The following DLGAP1 variants were observed in gnomAD, a reference collection of about 807,000 sequenced individuals.
DLGAP1 encodes disks large-associated protein 1.
In DLGAP1, 11 loss-of-function variants were observed where a neutral mutation model predicts 90.8. The ratio of observed to expected loss-of-function variants is 0.12; its 90% confidence interval spans 0.08 to 0.20. The LOEUF is 0.20. DLGAP1 is among the 10% of genes least tolerant of loss of function. The pLI is 1.00. For synonymous variants in DLGAP1, 558 were observed against 540.7 expected (o/e 1.03, Z -0.44); for missense variants, 1,050 against 1,333.8 (o/e 0.79, Z 3.31).
chr18:3,596,757 A>T, intron 7 of DLGAP1: 1 of 490,176 alleles, frequency 2.0e-6, no homozygotes, highest in South Asian at 1.5e-5. Flanking sequence ...AAGGACTAAC[A>T]ATCAGGAAGG....
chr18:3,761,598 C>T lies in DLGAP1; in HGVS notation c.1173-19086G>A, dbSNP rs570992550. 4.1e-5 allele frequency among the ~76,000 whole-genome samples: 6 copies of T among 147,574 alleles called. No individual in the cohort carries two copies. In the South Asian group the frequency reaches 6.4e-4, roughly 16 times the overall value. On this transcript the variant is annotated intron_variant, in intron 5 of 12. Transcript: ENST00000315677. ...TCTTTCTTTTTTTTTTTTTTTAAGA[C>T]GGAGTCTCACTCTGTTGCCCAGGCT...
Position 4,396,896 on chromosome 18 carries a change from T to C in DLGAP1, c.-267+58110A>G, listed in dbSNP as rs75917679. On this transcript the variant is annotated intron_variant, in intron 1 of 12. Coordinates refer to ENST00000315677, the MANE Select transcript of DLGAP1 (RefSeq NM_004746.4). ...ATGTGCACAAATTTGCTCTCTAAGC[T>C]AATTAGAATATCATTTGTACAATAA... 2.1e-3 allele frequency among the ~76,000 whole-genome samples: 316 copies of C among 152,280 alleles called. 2 individuals are homozygous for C. Among genetic ancestry groups the C allele is most frequent in the African/African-American group, 6.9e-3 (288 of 41,574 alleles).
chr18:4,183,558 T>A (rs1216684800), intron 1 of DLGAP1, among the ~76,000 whole-genome samples: 1 of 152,156 alleles, frequency 6.6e-6, no homozygotes, highest in Non-Finnish European at 1.5e-5. Flanking sequence ...CTTTTGACCT[T>A]GTTTCTTGAC....
intron 4 of DLGAP1, among the ~76,000 whole-genome samples, chr18:3,864,793 T>A (rs888535733): frequency 4.6e-5 from 7 of 152,172 alleles, no homozygotes; most frequent in Non-Finnish European, 1.0e-4. Flanking sequence ...CAGCCACCTC[T>A]AAGGTGGCAC....
chr18:4,015,513 A>G (rs1262015245), intron 2 of DLGAP1, among the ~76,000 whole-genome samples: 2 of 152,164 alleles, frequency 1.3e-5, no homozygotes, highest in African/African-American at 4.8e-5. Flanking sequence ...TATCCAGAAC[A>G]TTGCTTCCAT....
chr18:3,611,657 C>T (rs1043858161), intron 7 of DLGAP1, among the ~76,000 whole-genome samples: 2 of 152,204 alleles, frequency 1.3e-5, no homozygotes, highest in Non-Finnish European at 2.9e-5. Flanking sequence ...ACTTACCACG[C>T]GTTTCTCAGG....
Position 4,408,523 on chromosome 18 carries a change from C to G in DLGAP1, c.-267+46483G>C, listed in dbSNP as rs375429555. 1.7e-4 allele frequency among the ~76,000 whole-genome samples: 25 copies of G among 151,336 alleles called. No individual in the cohort carries two copies. The South Asian group carries it at 4.8e-3, about 29-fold the overall frequency. Reference sequence around the variant, plus strand: ...TACAATAAGAGTTGAAAAACAATGGCAAGATATAAACATGACGTTGGTATA... The same window carrying G: ...TACAATAAGAGTTGAAAAACAATGGGAAGATATAAACATGACGTTGGTATA... On this transcript the variant is annotated intron_variant, in intron 1 of 12. Transcript: ENST00000315677.
intron 7 of DLGAP1, among the ~76,000 whole-genome samples, chr18:3,601,077 G>T (rs867560378): frequency 6.9e-4 from 101 of 146,958 alleles, no homozygotes; most frequent in East Asian, 1.2e-3. Context: ...TAGATATATA[G>T]ATAGATATAT....
intron 7 of DLGAP1, among the ~76,000 whole-genome samples, chr18:3,694,482 T>G (rs1042049356): frequency 3.9e-5 from 6 of 152,242 alleles, no homozygotes; most frequent in African/African-American, 1.4e-4. Flanking sequence ...ATGGTTGAAC[T>G]AATTTACAAT....
chr18:4,277,000 T>C (rs1387554887), intron 1 of DLGAP1, among the ~76,000 whole-genome samples: 1 of 152,228 alleles, frequency 6.6e-6, no homozygotes, highest in Admixed American at 6.5e-5. Flanking sequence ...ATGAATATAT[T>C]TTCTAACCCA....
intron 1 of DLGAP1, among the ~76,000 whole-genome samples, chr18:4,419,722 C>T (rs555503918): frequency 1.3e-5 from 2 of 151,972 alleles, no homozygotes; most frequent in Non-Finnish European, 2.9e-5. Flanking sequence ...TAGGTAGACT[C>T]TACTTGATAT....
In DLGAP1 at chr18:3,711,997, T is replaced by G. The variant is rs959188947; in HGVS notation, c.1591+17138A>C. Among the ~76,000 whole-genome samples the G allele has an allele frequency of 6.6e-6, 1 of 152,088 alleles. No homozygotes were observed. The highest frequency in any genetic ancestry group is 2.4e-5 in the African/African-American group (1 of 41,402). On this transcript the variant is annotated intron_variant, in intron 7 of 12. Coordinates refer to ENST00000315677, the MANE Select transcript of DLGAP1 (RefSeq NM_004746.4). The surrounding 1 kb of genome is among the most constrained non-coding windows in gnomAD (Gnocchi z 4.0). ...GAGTCCTAACAAACTATTCCTGGGT[T>G]CTGGCTAGAGGTATTTTTGTGACGA...
At position 3,769,751 on chromosome 18, in the gene DLGAP1, C is replaced by A. The variant is rs561040975; in HGVS notation, c.1173-27239G>T. Reference sequence around the variant, plus strand: ...GGCTATAAAAGGGCAACATGAGGGACCCATGCAATGATGGAAATGTTTGTA... The same window carrying A: ...GGCTATAAAAGGGCAACATGAGGGAACCATGCAATGATGGAAATGTTTGTA... On this transcript the variant is annotated intron_variant, in intron 5 of 12. Coordinates refer to ENST00000315677, the MANE Select transcript of DLGAP1 (RefSeq NM_004746.4). Among the ~76,000 whole-genome samples, 12 of 152,014 alleles carry A rather than the reference C, an allele frequency of 7.9e-5. No homozygotes were observed. In the South Asian group the frequency reaches 2.3e-3, roughly 29 times the overall value.
chr18:4,438,092 G>A (rs1204039165), intron 1 of DLGAP1, among the ~76,000 whole-genome samples: 2 of 152,082 alleles, frequency 1.3e-5, no homozygotes, highest in African/African-American at 4.8e-5. Flanking sequence ...AAAAACCTTA[G>A]CGCCTCCACA....
chr18:3,580,792 G>A lies in DLGAP1; in HGVS notation c.1965+1083C>T, dbSNP rs1413358451. ...CTTTGCAGTGTGCATGGTCAGGGGT[G>A]GTGCCGAAGCGTCTTCCACCTGCCG... On this transcript the variant is annotated intron_variant, in intron 8 of 12. Coordinates refer to ENST00000315677, the MANE Select transcript of DLGAP1 (RefSeq NM_004746.4). The A allele has an allele frequency of 6.9e-6, 11 of 1,600,792 alleles. No homozygotes were observed. In the African/African-American group the frequency reaches 9.4e-5, roughly 14 times the overall value.
chr18:4,393,906 T>C (rs958050743), intron 1 of DLGAP1, among the ~76,000 whole-genome samples: 4 of 152,142 alleles, frequency 2.6e-5, no homozygotes, highest in South Asian at 2.1e-4. Context: ...GAGAATCTAA[T>C]GCCGCTGCTG....
rs2056937489 is a variant in DLGAP1 at position 3,600,889 on chromosome 18, T to TATATAGATATATAG, written c.1592-18642_1592-18641insCTATATATCTATAT. Among the ~76,000 whole-genome samples, 7 of 105,222 alleles carry TATATAGATATATAG rather than the reference T, an allele frequency of 6.7e-5. 1 individual carries two copies. The highest frequency in any genetic ancestry group is 1.2e-4 in the Non-Finnish European group (6 of 48,332). The allele number at this position is 105,222 out of a possible 152,430, so 69.0% of individuals were successfully genotyped here. On this transcript the variant is annotated intron_variant, in intron 7 of 12. Transcript: ENST00000315677. ...AGATATATAGATATATAGATAGATATATAGATATATATAGATATATAGATA... is the reference window on the plus strand; with the variant it reads ...AGATATATAGATATATAGATAGATATATATAGATATATAGATAGATATATATAGATATATAGATA...
chr18:3,956,358 CT>C lies in DLGAP1; in HGVS notation c.-73+48757del, dbSNP rs1375278233. On this transcript the variant is annotated intron_variant, in intron 3 of 12. Transcript: ENST00000315677. ...AGAATCCCTTTAACATTTTTTTTTC[CT>C]TTTTTTTTGAGACGGAGTCTCGCTC... Among the ~76,000 whole-genome samples, 4 of 150,636 alleles carry C rather than the reference CT, an allele frequency of 2.7e-5. No individual in the cohort carries two copies. The South Asian group carries it at 6.3e-4, about 24-fold the overall frequency.
chr18:3,538,375 C>T (rs1239724152), intron 9 of DLGAP1, among the ~76,000 whole-genome samples: 1 of 102,798 alleles, frequency 9.7e-6, no homozygotes, highest in Non-Finnish European at 2.2e-5. Flanking sequence ...TCAAATGAGC[C>T]AAAAAAAAAA....
Sources: allele counts gnomAD v4.1 joint callset (sites outside exome capture counted in the v4.1 genomes callset), GRCh38; gene constraint gnomAD v4.1.1; non-coding constraint Gnocchi (gnomAD v3.1); transcripts MANE v1.5; gene names NCBI Gene and HGNC (gene_info 2026-07-23, HGNC 2026-07-21).